FNIP1: variants seen among roughly 807,000 people sequenced by gnomAD.
FNIP1 encodes the protein folliculin-interacting protein 1.
Under a neutral mutation model 124.5 loss-of-function variants are expected in FNIP1, and 40 were observed. That is an observed-to-expected ratio of 0.32 (90% CI 0.25 to 0.42). The LOEUF (loss-of-function observed/expected upper bound fraction) is 0.42, where lower values mean the gene tolerates loss of function less well. Among genes scored for constraint, FNIP1 ranks in the 10% least tolerant of loss-of-function variants. FNIP1 has a pLI of 1.00. For synonymous variants in FNIP1, 472 were observed against 470.6 expected (o/e 1.00, Z -0.04); for missense variants, 1,176 against 1,403.7 (o/e 0.84, Z 2.59).
chr5:131,649,861 T>A (rs1308609935), intron 16 of FNIP1, among the ~76,000 whole-genome samples: 2 of 152,202 alleles, frequency 1.3e-5, no homozygotes, highest in Non-Finnish European at 2.9e-5. Context: ...TTTCCCAGCA[T>A]CTTTTGTTGA....
At chr5:131,770,122 A>G (rs1017160071) in intron 1 of FNIP1, among the ~76,000 whole-genome samples, 2 of 152,168 alleles carry the variant, frequency 1.3e-5, no homozygotes, top group Admixed American at 1.3e-4. Flanking sequence ...TATTTCAGAC[A>G]AGTCCACATA....
Position 131,644,223 on chromosome 5 carries a change from C to T in FNIP1, c.*462G>A, listed in dbSNP as rs10055569. ...ACTTTGAGAAATAACCAGACATTAG[C>T]TGTTTTGAATTGCAAAACTAACAAA... On this transcript the variant is annotated 3_prime_UTR_variant, in exon 18 of 18. Coordinates refer to ENST00000510461, the MANE Select transcript of FNIP1 (RefSeq NM_133372.3). 0.074 allele frequency: 11,310 copies of T among 152,584 alleles called. 862 individuals are homozygous for T. The highest frequency in any genetic ancestry group is 0.2 in the African/African-American group (8,170 of 41,472). The allele number at this position is 152,584 out of a possible 1,614,324, so 9.5% of individuals were successfully genotyped here. A position where few individuals can be genotyped will look rare whatever the true frequency, so the allele number is the denominator to read the frequency against.
chr5:131,779,693 AAAAAAAAAAAG>A (rs1368429310), intron 1 of FNIP1, among the ~76,000 whole-genome samples: 1 of 151,466 alleles, frequency 6.6e-6, no homozygotes, highest in Non-Finnish European at 1.5e-5. Context: ...GTTTCAAAAA[AAAAAAAAAAAG>A]AAAAGAAAAA....
At chr5:131,694,634 G>A (rs1028768450) in intron 11 of FNIP1, among the ~76,000 whole-genome samples, 16 of 152,134 alleles carry the variant, frequency 1.1e-4, no homozygotes, top group African/African-American at 3.9e-4. Flanking sequence ...GATTTTTAGG[G>A]CGGTGAAATT....
intron 2 of FNIP1, among the ~76,000 whole-genome samples, chr5:131,744,347 T>C (rs1770603747): frequency 6.6e-6 from 1 of 152,212 alleles, no homozygotes. Context: ...GGATTTCAAC[T>C]GTCTGCTTGA....
chr5:131,697,841 C>T (rs1328091665), intron 11 of FNIP1, among the ~76,000 whole-genome samples: 4 of 151,308 alleles, frequency 2.6e-5, no homozygotes, highest in African/African-American at 4.9e-5. Flanking sequence ...TGGTGGCACG[C>T]GTCTGTAATC....
intron 11 of FNIP1, among the ~76,000 whole-genome samples, chr5:131,693,922 C>A (rs1351728706): frequency 6.6e-6 from 1 of 151,958 alleles, no homozygotes; most frequent in African/African-American, 2.4e-5. Context: ...AAAACCCAAA[C>A]AGACACTTCA....
intron 10 of FNIP1, among the ~76,000 whole-genome samples, chr5:131,703,427 T>C (rs1239887314): frequency 6.6e-6 from 1 of 152,212 alleles, no homozygotes; most frequent in East Asian, 1.9e-4. Flanking sequence ...CTTTCATACT[T>C]TTGTAAGAAT....
At chr5:131,721,978 C>T (rs976632588) in intron 3 of FNIP1, among the ~76,000 whole-genome samples, 1 of 152,094 alleles carries the variant, frequency 6.6e-6, no homozygotes, top group African/African-American at 2.4e-5. Context: ...CTAATTCTTC[C>T]TCATTTTTTG....
intron 1 of FNIP1, among the ~76,000 whole-genome samples, chr5:131,768,324 C>T (rs774893667): frequency 6.6e-5 from 10 of 152,068 alleles, no homozygotes; most frequent in Non-Finnish European, 1.0e-4. Flanking sequence ...TTGAAATGTA[C>T]CTGGCCTATG....
Position 131,712,631 on chromosome 5 carries a change from A to G in FNIP1, c.623-1970T>C, listed in dbSNP as rs148140918. 5.3e-3 allele frequency among the ~76,000 whole-genome samples: 804 copies of G among 152,338 alleles called. 12 individuals are homozygous for G. The highest frequency in any genetic ancestry group is 0.019 in the African/African-American group (783 of 41,570). ...CTTACTAATTTTTTGGAGGCCTGTA[A>G]TAACATGAAAGGGGGTATTAGTGTA... On this transcript the variant is annotated intron_variant, in intron 6 of 17. Transcript: ENST00000510461.
Position 131,671,554 on chromosome 5 carries a change from CATA to C in FNIP1, c.2887_2889del (p.Tyr963del), listed in dbSNP as rs2149514605. Reference sequence around the variant, plus strand: ...TCTGCCCAATCTTCTTGCTCTCCTCCATAATAACTGCTAACTTGTCTAGTCATA... The same window carrying C: ...TCTGCCCAATCTTCTTGCTCTCCTCCATAACTGCTAACTTGTCTAGTCATA... On this transcript the variant is annotated inframe_deletion, in exon 14 of 18. Transcript: ENST00000510461. The C allele has an allele frequency of 6.2e-7, 1 of 1,613,104 alleles. No individual in the cohort carries two copies.
rs34177023 is a variant in FNIP1 at position 131,642,867 on chromosome 5, C to CAAAAAAAAA, written c.*1809_*1817dup. ...CTGGGTAACAAGAGTGAAACTCCGT[C>CAAAAAAAAA]AAAAAAAAAAAAAAAAAAAAAAAGG... is the stretch of plus-strand genomic sequence containing the variant. On this transcript the variant is annotated 3_prime_UTR_variant, in exon 18 of 18. Coordinates refer to ENST00000510461, the MANE Select transcript of FNIP1 (RefSeq NM_133372.3). 1.4e-5 allele frequency: 1 copy of CAAAAAAAAA among 69,092 alleles called. No homozygotes were observed. The highest frequency in any genetic ancestry group is 5.5e-5 in the African/African-American group (1 of 18,058). 4.3% of individuals were successfully genotyped at this position (69,092 alleles called of 1,614,324 possible).
chr5:131,755,223 T>A (rs1269131718), intron 1 of FNIP1, among the ~76,000 whole-genome samples: 1 of 151,490 alleles, frequency 6.6e-6, no homozygotes, highest in Non-Finnish European at 1.5e-5. Flanking sequence ...GAGTTTGAGA[T>A]CAGCCTGGCC....
Position 131,644,618 on chromosome 5 carries a change from G to C in FNIP1, c.*67C>G. On this transcript the variant is annotated 3_prime_UTR_variant, in exon 18 of 18. Transcript: ENST00000510461. ...AAAGGGAAAAAGAATCTCCATAAAT[G>C]CATGTTGTGTCTGCTTCCTTGGTTT... 1 of 1,327,018 alleles carries C rather than the reference G, an allele frequency of 7.5e-7. No homozygotes were observed. The highest frequency in any genetic ancestry group is 1.1e-6 in the Non-Finnish European group (1 of 922,958). The allele number at this position is 1,327,018 out of a possible 1,614,324, so 82.2% of individuals were successfully genotyped here.
chr5:131,735,698 G>T (rs965007812), intron 2 of FNIP1, among the ~76,000 whole-genome samples: 1 of 150,270 alleles, frequency 6.7e-6, no homozygotes, highest in Non-Finnish European at 1.5e-5. Context: ...AGAAGAACTA[G>T]ATGTGAGTTC....
At chr5:131,682,846 C>T (rs1157239521) in intron 11 of FNIP1, among the ~76,000 whole-genome samples, 7 of 152,080 alleles carry the variant, frequency 4.6e-5, no homozygotes, top group East Asian at 1.9e-4. Flanking sequence ...CTTATTTTTC[C>T]CAGTCTGTCC....
chr5:131,744,623 C>T lies in FNIP1; in HGVS notation c.160G>A (p.Gly54Arg). Residue 54 changes from glycine (G) to arginine (R), a missense_variant, in exon 2 of 18, where the codon GGG becomes AGG. Around this residue, in one of 2 missense-constraint regions of FNIP1, gnomAD observed 1,109 missense variants for 1,288.5 expected, o/e 0.86. Transcript: ENST00000510461. ...LIVYQDCERR[G>R]RNVLFDSSVK... ...CTGGAGTCAAACAAAACATTTCTCC[C>T]TCGTCTTTCACAGTCTTGATATACA... 1.2e-6 allele frequency: 2 copies of T among 1,612,232 alleles called. No homozygotes were observed. The highest frequency in any genetic ancestry group is 1.7e-6 in the Non-Finnish European group (2 of 1,179,128).
chr5:131,768,257 T>C (rs1052701497), intron 1 of FNIP1, among the ~76,000 whole-genome samples: 2 of 152,200 alleles, frequency 1.3e-5, no homozygotes, highest in Admixed American at 6.5e-5. Flanking sequence ...AGAGCTATCA[T>C]GTATCATAAT....
Sources: gnomAD v4.1 joint callset for allele counts (sites outside exome capture counted in the v4.1 genomes callset) on GRCh38, gnomAD v4.1.1 for gene constraint, gnomAD v4.1.1 regional missense constraint, MANE v1.5 for transcripts, NCBI Gene and HGNC (gene_info 2026-07-23, HGNC 2026-07-21) for gene names.